The following NEIL3 variants were observed in gnomAD, a reference collection of about 807,000 sequenced individuals.
The protein encoded by NEIL3 is nei like DNA glycosylase 3, also known as endonuclease 8-like 3.
NEIL3 carries 48 observed loss-of-function variants against 57.5 expected under a neutral mutation model. That is an observed-to-expected ratio of 0.83 (90% CI 0.66 to 1.06). NEIL3 has a LOEUF of 1.06. Among genes scored for constraint, NEIL3 ranks in the 50% least tolerant of loss-of-function variants. The pLI is 0.00. For missense variants in NEIL3, 717 were observed against 739.1 expected, an observed-to-expected ratio of 0.97 and a Z score of 0.35; for synonymous variants, 261 against 253.2, an observed-to-expected ratio of 1.03 and a Z score of -0.29.
the NEIL3 span, among the ~76,000 whole-genome samples, chr4:177,369,323 A>G: frequency 1.1e-4 from 17 of 152,328 alleles, no homozygotes; most frequent in East Asian, 9.7e-4. Context: ...TAAGAGCAGC[A>G]GCACTAGAAG....
At chr4:177,313,392 A>G (rs1186254013) in intron 1 of NEIL3, among the ~76,000 whole-genome samples, 1 of 152,184 alleles carries the variant, frequency 6.6e-6, no homozygotes, top group Non-Finnish European at 1.5e-5. Context: ...GCCATAGAAG[A>G]TCCCAGCATC....
chr4:177,353,878 G>C, intron 8 of NEIL3, 150 bp downstream of exon 8: 1 of 659,852 alleles, frequency 1.5e-6, no homozygotes, highest in Non-Finnish European at 2.6e-6. Flanking sequence ...CGATTCTCCT[G>C]CCTCAGCCTC....
intron 6 of NEIL3, among the ~76,000 whole-genome samples, chr4:177,345,999 C>T (rs1248276674): frequency 6.6e-6 from 1 of 151,958 alleles, no homozygotes; most frequent in Admixed American, 6.6e-5. Context: ...CAAGTTTTTT[C>T]TTAAATAGAT....
chr4:177,355,368 A>G (rs575182855), intron 8 of NEIL3, among the ~76,000 whole-genome samples: 1 of 152,190 alleles, frequency 6.6e-6, no homozygotes, highest in Non-Finnish European at 1.5e-5. Context: ...ATGAAATGGC[A>G]TAGTCCTTGC....
the NEIL3 span, among the ~76,000 whole-genome samples, chr4:177,368,103 G>A: frequency 6.6e-6 from 1 of 152,062 alleles, no homozygotes; most frequent in East Asian, 1.9e-4. Context: ...ACCCAGAATT[G>A]CATGTCTTTA....
At chr4:177,337,432 A>T (rs1450695192) in intron 4 of NEIL3, among the ~76,000 whole-genome samples, 5 of 152,328 alleles carry the variant, frequency 3.3e-5, no homozygotes, top group Admixed American at 2.0e-4. Context: ...ATGAAGCTTT[A>T]AAAGAAGCCA....
At chr4:177,322,320 A>G (rs1262419160) in intron 1 of NEIL3, 139 bp from the exon 2 acceptor site, 2 of 1,170,924 alleles carry the variant, frequency 1.7e-6, no homozygotes, top group Non-Finnish European at 2.4e-6. Context: ...ATTACATTAC[A>G]TGACTTGTTG....
chr4:177,368,659 A>T, the NEIL3 span, among the ~76,000 whole-genome samples: 4 of 152,244 alleles, frequency 2.6e-5, no homozygotes, highest in Admixed American at 2.6e-4. Flanking sequence ...GGTTTAATAT[A>T]ATGTCAGTCT....
At chr4:177,323,689 T>C (rs1282662626) in intron 2 of NEIL3, among the ~76,000 whole-genome samples, 3 of 152,196 alleles carry the variant, frequency 2.0e-5, no homozygotes, top group Non-Finnish European at 2.9e-5. Context: ...CTCATAGCTC[T>C]GGATAGAGTA....
intron 1 of NEIL3, among the ~76,000 whole-genome samples, chr4:177,314,739 T>C (rs1734541071): frequency 6.6e-6 from 1 of 152,148 alleles, no homozygotes; most frequent in South Asian, 2.1e-4. Flanking sequence ...TAAAATTATA[T>C]TCTTTGATGA....
chr4:177,334,533 T>C (rs1734939492), intron 2 of NEIL3, among the ~76,000 whole-genome samples: 1 of 152,112 alleles, frequency 6.6e-6, no homozygotes, highest in Non-Finnish European at 1.5e-5. Flanking sequence ...CTGAAAAGAT[T>C]TTAGATATGA....
chr4:177,323,843 C>G (rs1276517492), intron 2 of NEIL3, among the ~76,000 whole-genome samples: 1 of 152,154 alleles, frequency 6.6e-6, no homozygotes, highest in African/African-American at 2.4e-5. Flanking sequence ...GAAGTCATTT[C>G]TCAGCACACG....
At chr4:177,358,616 G>T (rs977426699) in intron 8 of NEIL3, among the ~76,000 whole-genome samples, 1 of 152,098 alleles carries the variant, frequency 6.6e-6, no homozygotes, top group Admixed American at 6.6e-5. Context: ...CTGTGGCTAT[G>T]TTTTTAATTT....
At chr4:177,322,629 C>T (rs781560804) in intron 2 of NEIL3, 49 bp downstream of exon 2, 5 of 1,608,654 alleles carry the variant, frequency 3.1e-6, no homozygotes, top group Non-Finnish European at 3.4e-6. Flanking sequence ...TTTAAAGATG[C>T]GTAGAAGGCT....
At chr4:177,312,749 A>T (rs1734500681) in intron 1 of NEIL3, among the ~76,000 whole-genome samples, 1 of 152,202 alleles carries the variant, frequency 6.6e-6, no homozygotes, top group Non-Finnish European at 1.5e-5. Flanking sequence ...TAGTATCAGG[A>T]ATCTGGTTCT....
In NEIL3 at chr4:177,362,309, A is replaced by C. The variant is rs748761346; in HGVS notation, c.1656A>C (p.Pro552=). Residue 552 remains proline, a synonymous_variant, in exon 10 of 10, where the codon CCA becomes CCC. Transcript: ENST00000264596. ...TGCAGTGGGCAGATTTGTCCTTCCCATTCTGCAACCATGGCAAGCGTTCCA... is the reference window on the plus strand; with the variant it reads ...TGCAGTGGGCAGATTTGTCCTTCCCCTTCTGCAACCATGGCAAGCGTTCCA... ...GFFEWADLSF[P]FCNHGKRSTM... The C allele has an allele frequency of 6.2e-7, 1 of 1,605,812 alleles. No homozygotes were observed. Among genetic ancestry groups the C allele is most frequent in the East Asian group, 2.2e-5 (1 of 44,728 alleles).
At chr4:177,350,753 C>T (rs1228424243) in intron 6 of NEIL3, among the ~76,000 whole-genome samples, 1 of 151,796 alleles carries the variant, frequency 6.6e-6, no homozygotes, top group African/African-American at 2.4e-5. Context: ...GAAAAAAGTA[C>T]CAATTACTTA....
intron 6 of NEIL3, chr4:177,343,377 G>C (rs979288505): frequency 2.0e-5 from 3 of 152,252 alleles, no homozygotes; most frequent in African/African-American, 7.2e-5. Flanking sequence ...CTGAGCTTCA[G>C]CAAATACCTA....
intron 8 of NEIL3, among the ~76,000 whole-genome samples, chr4:177,355,376 T>G (rs1055887293): frequency 2.0e-5 from 3 of 152,200 alleles, no homozygotes; most frequent in Admixed American, 6.5e-5. Flanking sequence ...GCATAGTCCT[T>G]GCATATAACC....
Sources: gnomAD v4.1 joint callset for allele counts (sites outside exome capture counted in the v4.1 genomes callset) on GRCh38, gnomAD v4.1.1 for gene constraint, MANE v1.5 for transcripts, NCBI Gene and HGNC (gene_info 2026-07-23, HGNC 2026-07-21) for gene names.